The following PAPPA variants were observed in gnomAD, a reference collection of about 807,000 sequenced individuals.
The protein encoded by PAPPA is pappalysin-1.
In PAPPA, 60 loss-of-function variants were observed where a neutral mutation model predicts 164.0. That is an observed-to-expected ratio of 0.37 (90% confidence interval 0.30 to 0.45). The LOEUF (loss-of-function observed/expected upper bound fraction) is 0.45. Among genes scored for constraint, PAPPA ranks in the 20% least tolerant of loss-of-function variants. The pLI is 1.00. For missense variants in PAPPA, 1,782 were observed against 2,087.3 expected, an observed-to-expected ratio of 0.85 and a Z score of 2.85; for synonymous variants, 875 against 814.1, an observed-to-expected ratio of 1.07 and a Z score of -1.27.
chr9:116,369,032 A>AT (rs1846538387), intron 19 of PAPPA, among the ~76,000 whole-genome samples: 1 of 150,120 alleles, frequency 6.7e-6, no homozygotes, highest in African/African-American at 2.5e-5. Context: ...ACTCTCACTA[A>AT]TTTTTTTCCT....
intron 4 of PAPPA, among the ~76,000 whole-genome samples, chr9:116,213,102 G>A (rs1188632036): frequency 6.6e-6 from 1 of 152,186 alleles, no homozygotes; most frequent in Admixed American, 6.5e-5. Flanking sequence ...GTTCCACAGG[G>A]ATGCTTCAGG....
intron 2 of PAPPA, among the ~76,000 whole-genome samples, chr9:116,197,749 C>A (rs960565535): frequency 6.2e-4 from 94 of 152,300 alleles, no homozygotes; most frequent in African/African-American, 2.2e-3. Context: ...TACTGTACGG[C>A]CTGTATTGTT....
At chr9:116,261,165 C>T (rs911471974) in intron 7 of PAPPA, among the ~76,000 whole-genome samples, 4 of 152,104 alleles carry the variant, frequency 2.6e-5, no homozygotes, top group African/African-American at 4.8e-5. Context: ...AAATATGATA[C>T]GTAGTGCGTA....
rs578062505 is a variant in PAPPA at position 116,257,558 on chromosome 9, G to T, written c.2733-8299G>T. Among the ~76,000 whole-genome samples the T allele has an allele frequency of 2.6e-5, 4 of 151,914 alleles. No individual in the cohort carries two copies. The South Asian group carries it at 8.4e-4, about 32-fold the overall frequency. Reference sequence around the variant, plus strand: ...CTATTAAAAATACAAAAAAATTAGTGGGGCATGGTGGCGGGCGCCTGTAGT... The same window carrying T: ...CTATTAAAAATACAAAAAAATTAGTTGGGCATGGTGGCGGGCGCCTGTAGT... On this transcript the variant is annotated intron_variant, in intron 7 of 21. Coordinates refer to ENST00000328252, the MANE Select transcript of PAPPA (RefSeq NM_002581.5).
At chr9:116,178,902 A>G (rs568881237) in intron 1 of PAPPA, among the ~76,000 whole-genome samples, 1 of 152,328 alleles carries the variant, frequency 6.6e-6, no homozygotes, top group East Asian at 1.9e-4. Flanking sequence ...CTGCTTACAC[A>G]TGAGCAAAGG....
chr9:116,178,468 A>G (rs903468820), intron 1 of PAPPA, among the ~76,000 whole-genome samples: 1 of 152,206 alleles, frequency 6.6e-6, no homozygotes, highest in Admixed American at 6.5e-5. Context: ...ATCCCATTCT[A>G]TGCAAATGAG....
chr9:116,224,583 ATGGATGCCT>A (rs1160846716), intron 5 of PAPPA, among the ~76,000 whole-genome samples: 2 of 152,234 alleles, frequency 1.3e-5, no homozygotes, highest in Admixed American at 1.3e-4. Flanking sequence ...ATTATATACA[ATGGATGCCT>A]TGGAGAAACA....
intron 7 of PAPPA, among the ~76,000 whole-genome samples, chr9:116,260,593 G>T (rs7045774): frequency 3.9e-5 from 6 of 152,184 alleles, no homozygotes; most frequent in African/African-American, 7.2e-5. Flanking sequence ...ACCTACACAC[G>T]TTCTCAGTGC....
chr9:116,232,721 TG>T, intron 6 of PAPPA, among the ~76,000 whole-genome samples: 1 of 152,240 alleles, frequency 6.6e-6, no homozygotes, highest in East Asian at 1.9e-4. Context: ...GCTTTGGTTA[TG>T]GTTACACTTG....
Position 116,154,451 on chromosome 9 carries a change from G to A in PAPPA, c.279G>A (p.Pro93=). The A allele has an allele frequency of 7.8e-7, 1 of 1,282,612 alleles. No individual in the cohort carries two copies. Among genetic ancestry groups the A allele is most frequent in the East Asian group, 3.1e-5 (1 of 31,864 alleles). 79.5% of individuals were successfully genotyped at this position (1,282,612 alleles called of 1,614,324 possible). ...ARGATEEPSP[P]SRALYFSGRG... ...GCGCCACCGAGGAGCCGAGCCCGCC[G>A]AGCCGGGCGCTCTATTTCAGCGGGC... The change falls in exon 1 of 22, where the codon CCG becomes CCA. Residue 93 remains proline, a synonymous_variant. Coordinates refer to ENST00000328252, the MANE Select transcript of PAPPA (RefSeq NM_002581.5). This position sits in a 1 kb window ranked among gnomAD's most constrained non-coding sequence, Gnocchi z 5.2.
chr9:116,363,911 T>A (rs1011900354), intron 18 of PAPPA, among the ~76,000 whole-genome samples: 2 of 152,274 alleles, frequency 1.3e-5, no homozygotes, highest in Admixed American at 1.3e-4. Context: ...ACTCTTGTGT[T>A]TAGCCCAGGA....
rs575145885 is a variant in PAPPA at position 116,363,008 on chromosome 9, A to G, written c.4495+269A>G. On this transcript the variant is annotated intron_variant, in intron 18 of 21. Transcript: ENST00000328252. ...TGGTGGGGACACAGAAGACTCCCAC[A>G]GGAAGGGATGCTTACTTGGGGATTT... 2.6e-5 allele frequency among the ~76,000 whole-genome samples: 4 copies of G among 152,346 alleles called. No homozygotes were observed. In the East Asian group the frequency reaches 7.7e-4, roughly 29 times the overall value.
intron 7 of PAPPA, among the ~76,000 whole-genome samples, chr9:116,254,375 A>G (rs1325353156): frequency 6.6e-6 from 1 of 152,246 alleles, no homozygotes; most frequent in African/African-American, 2.4e-5. Flanking sequence ...TTAAGCTACT[A>G]TCTGGGTTTA....
intron 21 of PAPPA, 136 bp downstream of exon 21, chr9:116,382,629 T>A (rs541168089): frequency 8.4e-6 from 5 of 597,532 alleles, no homozygotes; most frequent in African/African-American, 3.7e-5. Flanking sequence ...TTTCTTTTTT[T>A]AATTTTTATT....
chr9:116,391,826 T>G (rs1372269692), intron 21 of PAPPA, among the ~76,000 whole-genome samples: 1 of 152,212 alleles, frequency 6.6e-6, no homozygotes, highest in Non-Finnish European at 1.5e-5. Flanking sequence ...GTGTTCATGC[T>G]GTGGGTGGTA....
At chr9:116,330,398 T>C (rs116189463) in intron 10 of PAPPA, among the ~76,000 whole-genome samples, 3,738 of 152,218 alleles carry the variant, frequency 0.025, 65 homozygotes, top group Middle Eastern at 0.099. Context: ...CATCTGTCTT[T>C]TTTATCATTT....
intron 7 of PAPPA, among the ~76,000 whole-genome samples, chr9:116,235,975 G>A (rs1226476799): frequency 3.3e-5 from 5 of 152,138 alleles, no homozygotes; most frequent in African/African-American, 1.2e-4. Flanking sequence ...AATGAAAGTA[G>A]AAGAACTGAA....
intron 21 of PAPPA, among the ~76,000 whole-genome samples, chr9:116,392,697 A>G (rs1846910334): frequency 6.6e-6 from 1 of 152,194 alleles, no homozygotes; most frequent in East Asian, 1.9e-4. Flanking sequence ...CAAAGAGGCA[A>G]GAGGAGGGAA....
chr9:116,244,087 C>A (rs1844768265), intron 7 of PAPPA, among the ~76,000 whole-genome samples: 1 of 152,134 alleles, frequency 6.6e-6, no homozygotes, highest in African/African-American at 2.4e-5. Flanking sequence ...CCAAGTATTT[C>A]TCAGAATGAA....
Sources: allele counts gnomAD v4.1 joint callset (sites outside exome capture counted in the v4.1 genomes callset), GRCh38; gene constraint gnomAD v4.1.1; non-coding constraint Gnocchi (gnomAD v3.1); transcripts MANE v1.5; gene names NCBI Gene and HGNC (gene_info 2026-07-23, HGNC 2026-07-21).